The following UBR2 variants were observed in gnomAD, a reference collection of about 807,000 sequenced individuals.
UBR2 encodes ubiquitin protein ligase E3 component n-recognin 2, also known as E3 ubiquitin-protein ligase UBR2.
A neutral mutation model predicts 247.9 loss-of-function variants in UBR2; 92 were observed. The observed-to-expected ratio is 0.37, with a 90% CI of 0.31 to 0.44. The LOEUF (loss-of-function observed/expected upper bound fraction) is 0.44, where lower values mean the gene tolerates loss of function less well. Among genes scored for constraint, UBR2 ranks in the 20% least tolerant of loss-of-function variants. UBR2 has a pLI of 1.00. For synonymous variants in UBR2, 672 were observed against 693.5 expected (o/e 0.97, Z 0.49); for missense variants, 1,613 against 2,112.6 (o/e 0.76, Z 4.64).
At chr6:42,630,347 G>A (rs1191440904) in intron 11 of UBR2, among the ~76,000 whole-genome samples, 1 of 151,800 alleles carries the variant, frequency 6.6e-6, no homozygotes. Flanking sequence ...ACCACGCCCA[G>A]CTAATTTTTG....
At chr6:42,567,863 C>G (rs1790876040) in intron 1 of UBR2, among the ~76,000 whole-genome samples, 1 of 151,706 alleles carries the variant, frequency 6.6e-6, no homozygotes, top group South Asian at 2.1e-4. Context: ...TTAGCTATAC[C>G]CTGTCTCTAC....
intron 42 of UBR2, among the ~76,000 whole-genome samples, chr6:42,681,179 A>G (rs563332999): frequency 6.6e-4 from 99 of 151,110 alleles, no homozygotes; most frequent in South Asian, 2.3e-3. Flanking sequence ...AAAAAAAAAA[A>G]AAAGAAAGAC....
rs1562353809 is a variant in UBR2, at chr6:42,646,840, G to GAT, written c.2409+1251_2409+1252insTA. ...ATATATAGAGAGAGAGAGAGAGAGA[G>GAT]AGATAGAGTCTGGCTTGGTCACCCA... On this transcript the variant is annotated intron_variant, in intron 21 of 46. Coordinates refer to ENST00000372901, the MANE Select transcript of UBR2 (RefSeq NM_001363705.2). Among the ~76,000 whole-genome samples the GAT allele has an allele frequency of 2.2e-3, 327 of 149,640 alleles. 1 individual carries two copies. Among genetic ancestry groups the GAT allele is most frequent in the African/African-American group, 6.7e-3 (266 of 39,482 alleles).
At chr6:42,576,147 A>G (rs530521253) in intron 2 of UBR2, among the ~76,000 whole-genome samples, 1 of 152,242 alleles carries the variant, frequency 6.6e-6, no homozygotes, top group East Asian at 1.9e-4. Flanking sequence ...TTTTAGTGGA[A>G]AATGGTGTTT....
rs1379833526 is a variant in UBR2 at position 42,641,562 on chromosome 6, T to A, written c.1921-20T>A. 16 of 1,566,220 alleles carry A rather than the reference T, an allele frequency of 1.0e-5. No individual in the cohort carries two copies. In the East Asian group the frequency reaches 3.5e-4, roughly 34 times the overall value. ...GTGTGTTTTTTTTGTTTTCTGTTTT[T>A]TTATTTTTTGTATATATAGAGTGAA... is the stretch of plus-strand genomic sequence containing the variant. On this transcript the variant is annotated intron_variant, in intron 16 of 46. Coordinates refer to ENST00000372901, the MANE Select transcript of UBR2 (RefSeq NM_001363705.2).
intron 6 of UBR2, 82 bp downstream of exon 6, chr6:42,605,941 A>T (rs1162336337): frequency 1.7e-6 from 2 of 1,209,960 alleles, no homozygotes; most frequent in Non-Finnish European, 2.3e-6. Context: ...ATTGAGTTAA[A>T]GATATATATA....
At chr6:42,662,136 A>G in intron 30 of UBR2, 48 bp from the exon 31 acceptor site, 1 of 1,245,010 alleles carries the variant, frequency 8.0e-7, no homozygotes, top group South Asian at 1.3e-5. Context: ...GTTATAGGAA[A>G]ATTAAATGCT....
Position 42,632,706 on chromosome 6 carries a change from T to A in UBR2, c.1436T>A (p.Leu479Ter). 1.3e-6 allele frequency: 2 copies of A among 1,593,022 alleles called. No homozygotes were observed. Among genetic ancestry groups the A allele is most frequent in the Non-Finnish European group, 1.7e-6 (2 of 1,172,966 alleles). Residue 479 changes from leucine (L) to a stop codon, truncating the protein, a stop_gained, in exon 12 of 47, where the codon TTA becomes TAA. Coordinates refer to ENST00000372901, the MANE Select transcript of UBR2 (RefSeq NM_001363705.2). LOFTEE classifies it high-confidence loss of function. The part of the protein sequence containing the change: ...FKFRRVQSLI[L>*]DLKYVLISKP... ...TTTAGGAGAGTACAGAGCCTTATTT[T>A]AGATCTCAAGTAAGTTTTCATTTAA...
At chr6:42,676,422 G>A (rs1798725249) in intron 39 of UBR2, among the ~76,000 whole-genome samples, 1 of 152,154 alleles carries the variant, frequency 6.6e-6, no homozygotes, top group Admixed American at 6.6e-5. Flanking sequence ...TATTTGTGTA[G>A]AATAGTAATT....
intron 15 of UBR2, among the ~76,000 whole-genome samples, chr6:42,639,593 A>G (rs7740672): frequency 0.43 from 65,050 of 151,888 alleles, 13,969 homozygotes; most frequent in African/African-American, 0.47. Context: ...TCCTAAACCA[A>G]AAGTTCTGGG....
Position 42,619,426 on chromosome 6 carries a change from TATATATATATATATATATATA to T in UBR2, c.1281+1920_1281+1940del, listed in dbSNP as rs1368693066. The T allele has an allele frequency of 8.0e-4, 12 of 14,954 alleles. 2 individuals carry two copies. In the East Asian group the frequency reaches 0.026, roughly 33 times the overall value. 0.9% of individuals were successfully genotyped at this position (14,954 alleles called of 1,614,324 possible). On this transcript the variant is annotated intron_variant, in intron 11 of 46. Transcript: ENST00000372901. ...CTCGTTATGAACATATATATATATA[TATATATATATATATATATATA>T]TATATATTTTTTTTTTTTAGTTCTC...
intron 4 of UBR2, among the ~76,000 whole-genome samples, chr6:42,595,477 G>A (rs181365888): frequency 4.5e-4 from 68 of 152,278 alleles, no homozygotes; most frequent in South Asian, 8.3e-4. Flanking sequence ...CAGGCAAGGT[G>A]GCTCATACCT....
chr6:42,573,238 A>T (rs1031800934), intron 1 of UBR2, among the ~76,000 whole-genome samples: 5 of 152,166 alleles, frequency 3.3e-5, no homozygotes, highest in African/African-American at 1.2e-4. Context: ...TCAATAAGAG[A>T]CTGGTATATA....
intron 10 of UBR2, 103 bp from the exon 11 acceptor site, chr6:42,617,306 C>T (rs780975035): frequency 6.2e-7 from 1 of 1,614,140 alleles, no homozygotes; most frequent in Non-Finnish European, 8.5e-7. Flanking sequence ...GGTGACTGCT[C>T]TATCTGTCCA....
intron 15 of UBR2, among the ~76,000 whole-genome samples, chr6:42,639,418 CCCCGT>C (rs1796290315): frequency 6.6e-6 from 1 of 152,166 alleles, no homozygotes; most frequent in Non-Finnish European, 1.5e-5. Context: ...CATGGCAAAA[CCCCGT>C]CTCTACTAAA....
rs1427686923 is a variant in UBR2, at chr6:42,692,549, C to A, written c.*1376C>A. 6.6e-6 allele frequency: 1 copy of A among 152,152 alleles called. No homozygotes were observed. The highest frequency in any genetic ancestry group is 1.5e-5 in the Non-Finnish European group (1 of 68,016). 9.4% of individuals were successfully genotyped at this position (152,152 alleles called of 1,614,324 possible). On this transcript the variant is annotated 3_prime_UTR_variant, in exon 47 of 47. Coordinates refer to ENST00000372901, the MANE Select transcript of UBR2 (RefSeq NM_001363705.2). ...ACTTAGTAGAGGAATAAATTCTGAG[C>A]CTGTCTAAGGTGGGGCTAAGGAACA...
chr6:42,565,586 G>T (rs1408501640), intron 1 of UBR2, among the ~76,000 whole-genome samples: 2 of 152,104 alleles, frequency 1.3e-5, no homozygotes, highest in Non-Finnish European at 2.9e-5. Context: ...TTGAGACGGA[G>T]TTTCGCTTTC....
chr6:42,640,322 AT>A lies in UBR2; in HGVS notation c.1920+55del, dbSNP rs776306422. The stretch of plus-strand genomic sequence containing the variant: ...AATACTTATTTATTATGTTCTTTGT[AT>A]TTGGAATCACTTTGAAACACATTTT... On this transcript the variant is annotated intron_variant, in intron 16 of 46. Coordinates refer to ENST00000372901, the MANE Select transcript of UBR2 (RefSeq NM_001363705.2). The A allele has an allele frequency of 2.0e-6, 3 of 1,496,952 alleles. No individual in the cohort carries two copies. The South Asian group carries it at 3.6e-5, about 18-fold the overall frequency. The allele number at this position is 1,496,952 out of a possible 1,614,324, so 92.7% of individuals were successfully genotyped here.
In UBR2 at chr6:42,594,322, A is replaced by T; in HGVS notation, c.531+18A>T. 6.3e-7 allele frequency: 1 copy of T among 1,589,648 alleles called. No individual in the cohort carries two copies. Among genetic ancestry groups the T allele is most frequent in the South Asian group, 1.1e-5 (1 of 87,774 alleles). On this transcript the variant is annotated intron_variant, in intron 4 of 46. Coordinates refer to ENST00000372901, the MANE Select transcript of UBR2 (RefSeq NM_001363705.2). ...AAGAAGAGGTAAAAACATTTTCACA[A>T]AGTTGTTTTTAACCCAAGTTTGAAA...
Sources: gnomAD v4.1 joint callset for allele counts (sites outside exome capture counted in the v4.1 genomes callset) on GRCh38, gnomAD v4.1.1 for gene constraint, MANE v1.5 for transcripts, NCBI Gene and HGNC (gene_info 2026-07-23, HGNC 2026-07-21) for gene names.